MAP3K7CL: variants seen among roughly 807,000 people sequenced by gnomAD.
MAP3K7CL encodes the protein MAP3K7 C-terminal-like protein.
MAP3K7CL carries 16 observed loss-of-function variants against 18.6 expected under a neutral mutation model. The observed-to-expected ratio is 0.86, with a 90% CI of 0.58 to 1.31. The LOEUF (loss-of-function observed/expected upper bound fraction) is 1.31, where lower values mean the gene tolerates loss of function less well. Among genes scored for constraint, MAP3K7CL ranks in the 50% most tolerant of loss-of-function variants. The pLI, the probability that MAP3K7CL is intolerant of heterozygous loss-of-function variation, is 0.00. For missense variants in MAP3K7CL, 163 were observed against 174.4 expected, an observed-to-expected ratio of 0.93 and a Z score of 0.37; for synonymous variants, 65 against 66.8, an observed-to-expected ratio of 0.97 and a Z score of 0.13.
intron 2 of MAP3K7CL, among the ~76,000 whole-genome samples, chr21:29,148,671 C>T (rs1440651532): frequency 6.6e-6 from 1 of 152,172 alleles, no homozygotes; most frequent in Non-Finnish European, 1.5e-5. Context: ...CTGCCTGCTT[C>T]TCACTGTAAC....
At position 29,092,530 on chromosome 21, in the gene MAP3K7CL, C is replaced by T; in HGVS notation, c.319C>T (p.Leu107=). The T allele has an allele frequency of 4.3e-6, 7 of 1,614,236 alleles. No homozygotes were observed. The Middle Eastern group carries it at 6.6e-4, about 152-fold the overall frequency. ...GGCTACTGGCGATTGGATGCTCACT[C>T]TGAAGCCAAAGTCTATTACTGTGCC... is the stretch of plus-strand genomic sequence containing the variant. Residue 107 remains leucine, a synonymous_variant, in exon 4 of 7, where the codon CTG becomes TTG. Coordinates refer to the MAP3K7CL transcript ENST00000286791.
chr21:29,116,742 G>A (rs73346656), intron 4 of MAP3K7CL, among the ~76,000 whole-genome samples: 2,283 of 152,154 alleles, frequency 0.015, 51 homozygotes, highest in African/African-American at 0.052. Flanking sequence ...AATACTAAAA[G>A]CATGCTAATT....
At position 29,149,192 on chromosome 21, in the gene MAP3K7CL, A is replaced by G; in HGVS notation, c.74A>G (p.Asp25Gly). The G allele has an allele frequency of 1.2e-6, 2 of 1,613,766 alleles. No individual in the cohort carries two copies. Among genetic ancestry groups the G allele is most frequent in the Non-Finnish European group, 1.7e-6 (2 of 1,179,670 alleles). Residue 25 changes from aspartate to glycine, a missense_variant, in exon 3 of 5, where the codon GAT becomes GGT. Physicochemically the swap from Asp to Gly is moderately conservative, Grantham distance 94. Coordinates refer to ENST00000399928, the MANE Select transcript of MAP3K7CL (RefSeq NM_001286620.2). The part of the protein sequence containing the change: ...IAFSLNDASD[D>G]TPPEDSIPLV... ...TCATTTTATTTCCTTGTTTTAGATGATACACCCCCTGAAGACTCCATTCCT... is the reference window on the plus strand; with the variant it reads ...TCATTTTATTTCCTTGTTTTAGATGGTACACCCCCTGAAGACTCCATTCCT...
chr21:29,105,263 GTCC>G (rs1451188282), intron 4 of MAP3K7CL, among the ~76,000 whole-genome samples: 4 of 152,158 alleles, frequency 2.6e-5, no homozygotes, highest in African/African-American at 4.8e-5. Flanking sequence ...ATCTTTCTCA[GTCC>G]TCCTACAGGT....
At chr21:29,109,829 G>A (rs2832183) in intron 4 of MAP3K7CL, 439,944 of 974,124 alleles carry the variant, frequency 0.45, 100,247 homozygotes, top group East Asian at 0.63. Flanking sequence ...TATATACATA[G>A]TGTAGACTCC....
chr21:29,149,881 G>A (rs1445057640), intron 3 of MAP3K7CL, among the ~76,000 whole-genome samples: 1 of 152,120 alleles, frequency 6.6e-6, no homozygotes, highest in Non-Finnish European at 1.5e-5. Context: ...GGTGATTCCA[G>A]GCAAAAATGG....
chr21:29,085,794 A>C, upstream of MAP3K7CL: 2 of 1,518,884 alleles, frequency 1.3e-6, no homozygotes, highest in Non-Finnish European at 1.8e-6. Flanking sequence ...GCAGAATCAT[A>C]ACTCTCTATA....
intron 2 of MAP3K7CL, chr21:29,091,637 A>G (rs748269074): frequency 2.9e-6 from 2 of 700,888 alleles, no homozygotes; most frequent in South Asian, 1.5e-5. Flanking sequence ...CACCACATCC[A>G]GCTAAGTTTT....
upstream of MAP3K7CL, among the ~76,000 whole-genome samples, chr21:29,084,121 G>A (rs1202472815): frequency 6.7e-6 from 1 of 149,752 alleles, no homozygotes; most frequent in African/African-American, 2.4e-5. Flanking sequence ...ATTCACAGAT[G>A]GTTTGGGGTT....
At chr21:29,129,550 G>A (rs2086741081), upstream of MAP3K7CL, among the ~76,000 whole-genome samples, 1 of 152,098 alleles carries the variant, frequency 6.6e-6, no homozygotes, top group Admixed American at 6.5e-5. Context: ...ATATTCCATT[G>A]TCAGGATATA....
At chr21:29,146,127 CAGGAAGCCTT>C (rs1369530407) in intron 2 of MAP3K7CL, among the ~76,000 whole-genome samples, 3 of 151,784 alleles carry the variant, frequency 2.0e-5, no homozygotes, top group Admixed American at 2.0e-4. Context: ...GATTAAGTCT[CAGGAAGCCTT>C]AAGATTCATT....
intron 3 of MAP3K7CL, among the ~76,000 whole-genome samples, chr21:29,153,410 A>G (rs1025891678): frequency 8.5e-5 from 13 of 152,082 alleles, no homozygotes; most frequent in African/African-American, 2.7e-4. Flanking sequence ...GCCCAATTCT[A>G]TGTCCATTTC....
intron 3 of MAP3K7CL, among the ~76,000 whole-genome samples, chr21:29,154,754 G>A (rs919193756): frequency 2.6e-5 from 4 of 152,206 alleles, no homozygotes; most frequent in African/African-American, 9.7e-5. Context: ...CTCATAGAAA[G>A]CACCAGACGT....
intron 2 of MAP3K7CL, among the ~76,000 whole-genome samples, chr21:29,138,677 T>C (rs1211498008): frequency 6.6e-6 from 1 of 152,194 alleles, no homozygotes; most frequent in African/African-American, 2.4e-5. Context: ...GCTTTTAATA[T>C]TTTGTTTTTA....
chr21:29,103,244 A>C (rs1263897723), intron 4 of MAP3K7CL, among the ~76,000 whole-genome samples: 1 of 152,182 alleles, frequency 6.6e-6, no homozygotes, highest in Non-Finnish European at 1.5e-5. Flanking sequence ...TTGTGATAGC[A>C]ACTATGTGAC....
intron 3 of MAP3K7CL, among the ~76,000 whole-genome samples, chr21:29,157,054 A>G (rs2087423848): frequency 6.6e-6 from 1 of 152,254 alleles, no homozygotes; most frequent in African/African-American, 2.4e-5. Context: ...AGCACTGCTT[A>G]GAAGATGGGC....
In MAP3K7CL at chr21:29,162,821, A is replaced by T. The variant is rs377481571; in HGVS notation, c.248+2765A>T. ...ACTACAACAATATTAAAATGAAAAA[A>T]GGGGCCAGGCGCAGAGGCTCACACC... On this transcript the variant is annotated intron_variant, in intron 4 of 4. Transcript: ENST00000399928. Among the ~76,000 whole-genome samples, 384 of 152,090 alleles carry T rather than the reference A, an allele frequency of 2.5e-3. 3 individuals are homozygous for T. The highest frequency in any genetic ancestry group is 8.5e-3 in the African/African-American group (351 of 41,526).
chr21:29,122,859 T>C (rs545324410), intron 4 of MAP3K7CL, among the ~76,000 whole-genome samples: 2 of 152,324 alleles, frequency 1.3e-5, no homozygotes, highest in East Asian at 1.9e-4. Context: ...TTCTACCCAG[T>C]ATTTTCCTGC....
At chr21:29,097,435 TAGG>T (rs1357762842) in intron 4 of MAP3K7CL, among the ~76,000 whole-genome samples, 1 of 152,136 alleles carries the variant, frequency 6.6e-6, no homozygotes, top group Admixed American at 6.6e-5. Context: ...TCATAAAACA[TAGG>T]AGGTAGAACA....
Sources: allele counts gnomAD v4.1 joint callset (sites outside exome capture counted in the v4.1 genomes callset), GRCh38; gene constraint gnomAD v4.1.1; transcripts MANE v1.5; gene names NCBI Gene and HGNC (gene_info 2026-07-23, HGNC 2026-07-21).